KCP: variants seen among roughly 807,000 people sequenced by gnomAD.
The protein encoded by KCP is kielin cysteine rich BMP regulator.
KCP carries 194 observed loss-of-function variants against 212.7 expected under a neutral mutation model. That is an observed-to-expected ratio of 0.91 (90% CI 0.81 to 1.03). KCP has a LOEUF of 1.03. Among genes scored for constraint, KCP ranks in the 50% least tolerant of loss-of-function variants. The probability of loss-of-function intolerance (pLI) is 0.00; values close to 1 mark genes in which losing one functional copy is unlikely to be tolerated. For synonymous variants in KCP, 833 were observed against 865.3 expected (o/e 0.96, Z 0.65); for missense variants, 2,080 against 2,162.5 (o/e 0.96, Z 0.76).
intron 8 of KCP, among the ~76,000 whole-genome samples, chr7:128,895,337 G>A (rs564454240): frequency 1.6e-4 from 25 of 152,176 alleles, no homozygotes; most frequent in Non-Finnish European, 3.1e-4. Context: ...GGGCTGGTGT[G>A]GCATCTACCT....
chr7:128,878,595 A>G lies in KCP; in HGVS notation c.4274T>C (p.Leu1425Pro), dbSNP rs1227018336. 6.4e-7 allele frequency: 1 copy of G among 1,551,356 alleles called. No homozygotes were observed. The highest frequency in any genetic ancestry group is 8.7e-7 in the Non-Finnish European group (1 of 1,146,970). The change falls in exon 38 of 40, where the codon CTC becomes CCC. Residue 1425 changes from leucine to proline, a missense_variant. Transcript: ENST00000610776. ...CCCAAACGCAGCCTCCGAGGGCAGG[A>G]GCAGCCCCTCAGGGCCCTGCAGATC... is the stretch of plus-strand genomic sequence containing the variant. ...QDDLQGPEGL[L>P]LPSEAAFGNS...
chr7:128,901,785 A>C (rs537594630), intron 8 of KCP, among the ~76,000 whole-genome samples: 3 of 152,320 alleles, frequency 2.0e-5, no homozygotes, highest in African/African-American at 7.2e-5. Flanking sequence ...TTTCGCACAG[A>C]GTCCTTAGTC....
rs557918967 is a variant in KCP at position 128,877,143 on chromosome 7, TG to T, written c.4786del (p.His1596ThrfsTer58). 511 of 1,505,584 alleles carry T rather than the reference TG, an allele frequency of 3.4e-4. No homozygotes were observed. The African/African-American group carries it at 6.5e-3, about 19-fold the overall frequency. 93.3% of individuals were successfully genotyped at this position (1,505,584 alleles called of 1,614,324 possible). On this transcript the variant is annotated frameshift_variant, in exon 40 of 40. Transcript: ENST00000610776. LOFTEE classifies it low-confidence loss of function (END_TRUNC). ...GGGGCAGGCCTCGGGTGGGATGCAG[TG>T]GGCCTCATGCTCCACCAGGCCTGCA... Reference protein sequence around the residue: ...CPAGLVEHEAHCIPPEACPQV... With the variant: ...CPAGLVEHEAXCIPPEACPQV...
intron 38 of KCP, 134 bp from the exon 39 acceptor site, chr7:128,877,924 G>A (rs1793092048): frequency 6.4e-6 from 5 of 776,186 alleles, no homozygotes; most frequent in Non-Finnish European, 1.0e-5. Flanking sequence ...AGCAAATGAA[G>A]TACTGTCTAC....
rs767482955 is a variant in KCP, at chr7:128,884,056, G to A, written c.3190C>T (p.Pro1064Ser). 8.1e-5 allele frequency: 125 copies of A among 1,545,320 alleles called. No individual in the cohort carries two copies. The highest frequency in any genetic ancestry group is 1.0e-4 in the Non-Finnish European group (120 of 1,145,254). The part of the protein sequence containing the change: ...RRQCPSLVGC[P>S]PSQLLPPGPQ... The stretch of plus-strand genomic sequence containing the variant: ...CCAGGGGGCAGGAGCTGGCTGGGGG[G>A]GCAGCCCACCAGGCTGGGACACTGC... The change falls in exon 29 of 40, where the codon CCC (proline) becomes TCC (serine). Residue 1064 changes from proline to serine, a missense_variant. Coordinates refer to ENST00000610776, the MANE Select transcript of KCP (RefSeq NM_001366122.1).
rs1414843442 is a variant in KCP at position 128,880,732 on chromosome 7, ACAT to A, written c.3514-14_3514-12del. On this transcript the variant is annotated splice_polypyrimidine_tract_variant and intron_variant, in intron 32 of 39. Coordinates refer to ENST00000610776, the MANE Select transcript of KCP (RefSeq NM_001366122.1). ...CTCCACATGGCCCCGCTGAGGACAG[ACAT>A]CATTGTTCTGGGGTTTTCTGCAGGG... The A allele has an allele frequency of 4.8e-6, 2 of 420,010 alleles. No homozygotes were observed. Among genetic ancestry groups the A allele is most frequent in the East Asian group, 7.0e-5 (2 of 28,412 alleles). 26.0% of individuals were successfully genotyped at this position (420,010 alleles called of 1,614,324 possible).
intron 12 of KCP, 27 bp downstream of exon 12, chr7:128,893,364 C>T (rs1235726237): frequency 3.9e-6 from 6 of 1,551,632 alleles, no homozygotes; most frequent in African/African-American, 1.4e-5. Flanking sequence ...TGAGGCAGAT[C>T]TGGGTGTGAG....
chr7:128,910,457 G>T, intron 1 of KCP, 144 bp downstream of exon 1: 1 of 709,644 alleles, frequency 1.4e-6, no homozygotes, highest in Non-Finnish European at 2.1e-6. Flanking sequence ...CCGACGGGGA[G>T]GACGGAGCTG....
At chr7:128,884,691 A>G in intron 28 of KCP, 90 bp downstream of exon 28, 1 of 1,227,364 alleles carries the variant, frequency 8.1e-7, no homozygotes, top group Non-Finnish European at 1.2e-6. Context: ...TGCCTGCTCC[A>G]TGCAGTGACC....
chr7:128,884,085 C>T lies in KCP; in HGVS notation c.3161G>A (p.Arg1054Gln), dbSNP rs1214036370. ...GCCCACCAGGCTGGGACACTGCCGC[C>T]GGTGACAGCGAAGGCTGGGAGGCCC... Reference protein sequence around the residue: ...PEGPPSLRCHRRQCPSLVGCP... With the variant: ...PEGPPSLRCHQRQCPSLVGCP... Residue 1054 changes from arginine (R) to glutamine (Q), a missense_variant, in exon 29 of 40, where the codon CGG becomes CAG. Arg to Gln is a conservative substitution (Grantham distance 43). Transcript: ENST00000610776. The T allele has an allele frequency of 1.3e-6, 2 of 1,544,590 alleles. No homozygotes were observed. The highest frequency in any genetic ancestry group is 1.7e-6 in the Non-Finnish European group (2 of 1,145,224).
At chr7:128,897,495 G>C (rs987609252) in intron 8 of KCP, among the ~76,000 whole-genome samples, 1 of 152,184 alleles carries the variant, frequency 6.6e-6, no homozygotes, top group African/African-American at 2.4e-5. Flanking sequence ...ATATAGAAAA[G>C]AGCTTTAACT....
In KCP at chr7:128,879,604, G is replaced by A. The variant is rs1307134959; in HGVS notation, c.4064C>T (p.Ala1355Val). 3 of 1,550,434 alleles carry A rather than the reference G, an allele frequency of 1.9e-6. No individual in the cohort carries two copies. The East Asian group carries it at 7.3e-5, about 38-fold the overall frequency. Residue 1355 changes from alanine to valine, a missense_variant, in exon 37 of 40, where the codon GCC becomes GTC. Transcript: ENST00000610776. ...GAVTVDGHPV[A>V]LPFLQEPLLY... ...CAGCGGCTCCTGCAGGAAGGGCAAG[G>A]CCACCGGGTGCCCATCCACCTGGAG...
rs1371440894 is a variant in KCP, at chr7:128,877,703, C to T, written c.4399G>A (p.Glu1467Lys). ...CRAAGYRARR[E>K]ANARCGVLKS... Reference sequence around the variant, plus strand: ...AGCACCCCACACCGGGCATTGGCCTCACGCCTGGCACGGTAACCTGCTGCC... The same window carrying T: ...AGCACCCCACACCGGGCATTGGCCTTACGCCTGGCACGGTAACCTGCTGCC... The change falls in exon 39 of 40, where the codon GAG (glutamate) becomes AAG (lysine). Residue 1467 changes from glutamate (E) to lysine (K), a missense_variant. Coordinates refer to ENST00000610776, the MANE Select transcript of KCP (RefSeq NM_001366122.1). 9.0e-6 allele frequency: 14 copies of T among 1,551,146 alleles called. No individual in the cohort carries two copies. In the Admixed American group the frequency reaches 9.8e-5, roughly 11 times the overall value.
At chr7:128,891,593 C>T in intron 17 of KCP, 53 bp downstream of exon 17, 7 of 1,520,770 alleles carry the variant, frequency 4.6e-6, no homozygotes, top group South Asian at 2.5e-5. Flanking sequence ...GTGCTGCCTT[C>T]CGGGGGCCAT....
intron 11 of KCP, 25 bp downstream of exon 11, chr7:128,893,781 C>A: frequency 3.2e-6 from 5 of 1,545,948 alleles, no homozygotes; most frequent in Non-Finnish European, 3.5e-6. Flanking sequence ...CTGCCCCTCC[C>A]GCAGAGACCC....
chr7:128,897,570 G>A (rs1794602893), intron 8 of KCP, among the ~76,000 whole-genome samples: 1 of 152,178 alleles, frequency 6.6e-6, no homozygotes, highest in South Asian at 2.1e-4. Flanking sequence ...TAGTTCATGT[G>A]ACTTAAGTAA....
chr7:128,877,523 C>T lies in KCP; in HGVS notation c.4579G>A (p.Ala1527Thr), dbSNP rs1048566455. ...CCTCGCCAGGTAGGTGTCACTCCTG[C>T]CTGGCGACAGTGACTGGCGTAGGCT... is the stretch of plus-strand genomic sequence containing the variant. Reference protein sequence around the residue: ...LEAYASHCRQAGVTPTWRGPT... With the variant: ...LEAYASHCRQTGVTPTWRGPT... Residue 1527 changes from alanine to threonine, a missense_variant, in exon 39 of 40, where the codon GCA (alanine) becomes ACA (threonine). Ala to Thr is a moderately conservative substitution (Grantham distance 58). Coordinates refer to ENST00000610776, the MANE Select transcript of KCP (RefSeq NM_001366122.1). 3.2e-6 allele frequency: 5 copies of T among 1,551,396 alleles called. No individual in the cohort carries two copies. Among genetic ancestry groups the T allele is most frequent in the Non-Finnish European group, 4.4e-6 (5 of 1,146,968 alleles).
intron 37 of KCP, chr7:128,878,937 G>T (rs900965092): frequency 3.0e-5 from 16 of 525,264 alleles, no homozygotes; most frequent in Non-Finnish European, 5.4e-5. Flanking sequence ...ATGACAGGAG[G>T]AGCTGCCCAC....
At chr7:128,908,202 A>AG (rs1795228009) in intron 2 of KCP, among the ~76,000 whole-genome samples, 1 of 88,058 alleles carries the variant, frequency 1.1e-5, no homozygotes. Context: ...GAAAAGAAAG[A>AG]AAAAAAAAGA....
Sources: gnomAD v4.1 joint callset for allele counts (sites outside exome capture counted in the v4.1 genomes callset) on GRCh38, gnomAD v4.1.1 for gene constraint, MANE v1.5 for transcripts, NCBI Gene and HGNC (gene_info 2026-07-23, HGNC 2026-07-21) for gene names.